GRID2: variants seen among roughly 807,000 people sequenced by gnomAD.
GRID2 encodes glutamate ionotropic receptor delta type subunit 2.
Under a neutral mutation model 114.8 loss-of-function variants are expected in GRID2, and 33 were observed. The observed-to-expected ratio is 0.29, with a 90% CI of 0.22 to 0.38. GRID2 has a LOEUF of 0.38. Ranked by LOEUF, GRID2 falls within the 10% of genes least tolerant of loss-of-function variation. The pLI is 1.00. For missense variants in GRID2, 1,184 were observed against 1,257.7 expected, an observed-to-expected ratio of 0.94 and a Z score of 0.89; for synonymous variants, 505 against 449.9, an observed-to-expected ratio of 1.12 and a Z score of -1.55.
At chr4:92,605,311 A>G (rs1465575967) in intron 2 of GRID2, among the ~76,000 whole-genome samples, 1 of 152,082 alleles carries the variant, frequency 6.6e-6, no homozygotes, top group Non-Finnish European at 1.5e-5. Flanking sequence ...TCTTTCAAAA[A>G]TAAGAATCAT....
At chr4:93,549,595 A>G (rs1460176154) in intron 13 of GRID2, among the ~76,000 whole-genome samples, 1 of 152,184 alleles carries the variant, frequency 6.6e-6, no homozygotes, top group African/African-American at 2.4e-5. Context: ...TCCAATGCCC[A>G]GTGGTCAGAC....
At chr4:93,665,409 T>G (rs774050038) in intron 14 of GRID2, among the ~76,000 whole-genome samples, 14 of 152,240 alleles carry the variant, frequency 9.2e-5, no homozygotes, top group Non-Finnish European at 1.8e-4. Flanking sequence ...AATAAAGTTT[T>G]GTTTTATGTG....
At chr4:93,420,682 G>A (rs1045473420) in intron 9 of GRID2, among the ~76,000 whole-genome samples, 10 of 151,268 alleles carry the variant, frequency 6.6e-5, no homozygotes, top group African/African-American at 2.4e-4. Context: ...AAAAAAATCG[G>A]TACCTTAACA....
At chr4:93,595,763 T>C (rs1232335381) in intron 13 of GRID2, among the ~76,000 whole-genome samples, 1 of 152,198 alleles carries the variant, frequency 6.6e-6, no homozygotes, top group Non-Finnish European at 1.5e-5. Context: ...ATTTTAAGAT[T>C]CCCTCATCAT....
chr4:92,554,204 A>G (rs1018961495), intron 1 of GRID2, among the ~76,000 whole-genome samples: 3 of 152,246 alleles, frequency 2.0e-5, no homozygotes, highest in African/African-American at 7.2e-5. Context: ...CATGGTGTTA[A>G]CATAACTTTA....
intron 13 of GRID2, among the ~76,000 whole-genome samples, chr4:93,607,687 C>G (rs1045899496): frequency 6.6e-6 from 1 of 152,104 alleles, no homozygotes; most frequent in Admixed American, 6.6e-5. Context: ...TACATCTCCA[C>G]CAGCAATAGA....
intron 13 of GRID2, among the ~76,000 whole-genome samples, chr4:93,578,096 C>A (rs1301501194): frequency 6.6e-6 from 1 of 152,046 alleles, no homozygotes; most frequent in Non-Finnish European, 1.5e-5. Flanking sequence ...TGCTGCTACA[C>A]CTAAAGTTTT....
chr4:92,308,976 A>G (rs560031305), intron 1 of GRID2, among the ~76,000 whole-genome samples: 4 of 152,190 alleles, frequency 2.6e-5, no homozygotes, highest in African/African-American at 9.6e-5. Context: ...GCACAATTCA[A>G]GTGTGTATTA....
At chr4:92,513,824 A>G (rs1279640861) in intron 1 of GRID2, among the ~76,000 whole-genome samples, 2 of 151,950 alleles carry the variant, frequency 1.3e-5, no homozygotes, top group Non-Finnish European at 1.5e-5. Flanking sequence ...ATAAAGATCT[A>G]TAAAGGAAAA....
intron 1 of GRID2, among the ~76,000 whole-genome samples, chr4:92,315,427 T>C (rs922016793): frequency 1.3e-5 from 2 of 152,170 alleles, no homozygotes; most frequent in African/African-American, 2.4e-5. Flanking sequence ...AGGAACTTAA[T>C]TGATGAAATA....
At chr4:92,355,437 T>C (rs1273114329) in intron 1 of GRID2, among the ~76,000 whole-genome samples, 1 of 151,880 alleles carries the variant, frequency 6.6e-6, no homozygotes, top group Admixed American at 6.6e-5. Flanking sequence ...ATGAAGTAAA[T>C]ATTTAAAATG....
At chr4:93,075,333 A>T (rs1010575610) in intron 2 of GRID2, among the ~76,000 whole-genome samples, 1 of 152,200 alleles carries the variant, frequency 6.6e-6, no homozygotes, top group Non-Finnish European at 1.5e-5. Flanking sequence ...TCAAACTCAT[A>T]AAGAGCATAG....
intron 1 of GRID2, among the ~76,000 whole-genome samples, chr4:92,369,227 C>A (rs1729007582): frequency 6.6e-6 from 1 of 152,028 alleles, no homozygotes; most frequent in African/African-American, 2.4e-5. Flanking sequence ...AATAGACTTT[C>A]TATCATTTTA....
At chr4:93,419,322 A>T (rs1200392429) in intron 9 of GRID2, among the ~76,000 whole-genome samples, 1 of 151,978 alleles carries the variant, frequency 6.6e-6, no homozygotes, top group Non-Finnish European at 1.5e-5. Flanking sequence ...TAAATGGATA[A>T]ATCAATGACT....
chr4:92,523,468 A>G (rs1197458705), intron 1 of GRID2, among the ~76,000 whole-genome samples: 1 of 152,024 alleles, frequency 6.6e-6, no homozygotes, highest in African/African-American at 2.4e-5. Flanking sequence ...TTGAGAGTAA[A>G]ACATGGAATA....
chr4:93,142,867 G>A (rs578006020), intron 4 of GRID2, among the ~76,000 whole-genome samples: 13 of 152,322 alleles, frequency 8.5e-5, no homozygotes, highest in Non-Finnish European at 1.8e-4. Context: ...GAAGACATAC[G>A]TCTCCTAGGC....
At chr4:93,561,285 T>C (rs1052848004) in intron 13 of GRID2, among the ~76,000 whole-genome samples, 1 of 152,136 alleles carries the variant, frequency 6.6e-6, no homozygotes, top group African/African-American at 2.4e-5. Flanking sequence ...GATTGTATGT[T>C]AGTACCAGCT....
chr4:92,378,548 T>C (rs1047811493), intron 1 of GRID2, among the ~76,000 whole-genome samples: 3 of 152,096 alleles, frequency 2.0e-5, no homozygotes, highest in African/African-American at 7.2e-5. Flanking sequence ...ACTATATTAA[T>C]TCAATCAAAA....
intron 2 of GRID2, among the ~76,000 whole-genome samples, chr4:92,747,955 A>G (rs1737236996): frequency 6.6e-6 from 1 of 152,132 alleles, no homozygotes; most frequent in Non-Finnish European, 1.5e-5. Context: ...GAAGTTTCTG[A>G]CTTAAGAATT....
Sources: allele counts gnomAD v4.1 joint callset (sites outside exome capture counted in the v4.1 genomes callset), GRCh38; gene constraint gnomAD v4.1.1; transcripts MANE v1.5; gene names NCBI Gene and HGNC (gene_info 2026-07-23, HGNC 2026-07-21).